PTPRC: variants seen among roughly 807,000 people sequenced by gnomAD.
PTPRC encodes the protein receptor-type tyrosine-protein phosphatase C.
PTPRC carries 44 observed loss-of-function variants against 155.9 expected under a neutral mutation model. The observed-to-expected ratio is 0.28, with a 90% CI of 0.22 to 0.36. The LOEUF (loss-of-function observed/expected upper bound fraction) is 0.36, where lower values mean the gene tolerates loss of function less well. PTPRC is among the 10% of genes least tolerant of loss of function. The probability of loss-of-function intolerance (pLI) is 1.00; values close to 1 mark genes in which losing one functional copy is unlikely to be tolerated. For missense variants in PTPRC, 1,401 were observed against 1,564.6 expected (o/e 0.90, Z 1.76); for synonymous variants, 525 against 533.1 (o/e 0.98, Z 0.21).
At chr1:198,662,049 A>G (rs1335182642) in intron 2 of PTPRC, among the ~76,000 whole-genome samples, 1 of 152,198 alleles carries the variant, frequency 6.6e-6, no homozygotes, top group Non-Finnish European at 1.5e-5. Flanking sequence ...AGAAGCCACC[A>G]TGTCCAACTG....
intron 3 of PTPRC, chr1:198,694,037 G>A: frequency 1.9e-6 from 3 of 1,548,724 alleles, no homozygotes; most frequent in Non-Finnish European, 2.6e-6. Flanking sequence ...AAGCTGAGGA[G>A]CAAGGAAGCC....
In PTPRC at chr1:198,756,320, T is replaced by C; in HGVS notation, c.*139T>C. 2 of 1,110,106 alleles carry C rather than the reference T, an allele frequency of 1.8e-6. No individual in the cohort carries two copies. The highest frequency in any genetic ancestry group is 2.6e-6 in the Non-Finnish European group (2 of 776,976). 68.8% of individuals were successfully genotyped at this position (1,110,106 alleles called of 1,614,324 possible). ...TATTTGTAGAAGGGTTATATTTTAC[T>C]ACTGTGGAAAAATATTTAAGATAGT... On this transcript the variant is annotated 3_prime_UTR_variant, in exon 33 of 33. Coordinates refer to ENST00000442510, the MANE Select transcript of PTPRC (RefSeq NM_002838.5).
At chr1:198,711,912 C>T (rs970640431) in intron 11 of PTPRC, among the ~76,000 whole-genome samples, 8 of 152,122 alleles carry the variant, frequency 5.3e-5, no homozygotes, top group African/African-American at 1.9e-4. Context: ...TAAAACAACA[C>T]TGAGATGATA....
intron 15 of PTPRC, among the ~76,000 whole-genome samples, chr1:198,723,140 A>G (rs935489451): frequency 1.3e-5 from 2 of 149,898 alleles, no homozygotes; most frequent in Non-Finnish European, 3.0e-5. Flanking sequence ...TATAAACAAT[A>G]TTGTATACTG....
Position 198,752,601 on chromosome 1 carries a change from A to C in PTPRC, c.3338A>C (p.Asp1113Ala). 1 of 1,612,090 alleles carries C rather than the reference A, an allele frequency of 6.2e-7. No individual in the cohort carries two copies. Among genetic ancestry groups the C allele is most frequent in the Non-Finnish European group, 8.5e-7 (1 of 1,178,798 alleles). The change falls in exon 31 of 33, where the codon GAC (aspartate) becomes GCC (alanine). Residue 1113 changes from aspartate (D) to alanine (A), a missense_variant. By Grantham distance (126) the Asp-to-Ala change is moderately radical. This residue lies in a region of PTPRC where 400 missense variants were observed against 389.5 expected (regional missense o/e 1.03). Coordinates refer to ENST00000442510, the MANE Select transcript of PTPRC (RefSeq NM_002838.5). ...CTTCAATTCTGATTTTAGAGGAAAGACTCTCGAACTGTGTACCAGTACCAA... is the reference window on the plus strand; with the variant it reads ...CTTCAATTCTGATTTTAGAGGAAAGCCTCTCGAACTGTGTACCAGTACCAA... The part of the protein sequence containing the change: ...VFELRHSKRK[D>A]SRTVYQYQYT...
intron 15 of PTPRC, among the ~76,000 whole-genome samples, chr1:198,726,014 A>G (rs576546884): frequency 6.6e-6 from 1 of 152,294 alleles, no homozygotes; most frequent in South Asian, 2.1e-4. Context: ...GGGGAAACAC[A>G]TGTGTGCTTA....
At position 198,702,385 on chromosome 1, in the gene PTPRC, A is replaced by G; in HGVS notation, c.440-2A>G. On this transcript the variant is annotated splice_acceptor_variant, in intron 5 of 32. Coordinates refer to ENST00000442510, the MANE Select transcript of PTPRC (RefSeq NM_002838.5). LOFTEE classifies it high-confidence loss of function. The stretch of plus-strand genomic sequence containing the variant: ...CAGTGCTGATGGCCCTTCTGATTGC[A>G]GATGTCCCAGGAGAGAGGAGTACAG... 1 of 1,614,156 alleles carries G rather than the reference A, an allele frequency of 6.2e-7. No homozygotes were observed. Among genetic ancestry groups the G allele is most frequent in the Non-Finnish European group, 8.5e-7 (1 of 1,180,030 alleles).
chr1:198,711,284 T>C (rs1185340848), intron 11 of PTPRC, among the ~76,000 whole-genome samples: 1 of 152,212 alleles, frequency 6.6e-6, no homozygotes, highest in Non-Finnish European at 1.5e-5. Flanking sequence ...TTTTAATGTA[T>C]TTTTATTAGT....
At chr1:198,735,990 G>T (rs1461431515) in intron 23 of PTPRC, among the ~76,000 whole-genome samples, 1 of 151,528 alleles carries the variant, frequency 6.6e-6, no homozygotes, top group East Asian at 1.9e-4. Context: ...TTAAACTGGT[G>T]AACTTTATGG....
rs1429538302 is a variant in PTPRC at position 198,741,913 on chromosome 1, C to T, written c.2448C>T (p.Phe816=). ...GAAGAGAGGTGACTCACATTCAGTT[C>T]ACCAGCTGGCCAGACCACGGGGTGC... ...ATGREVTHIQ[F]TSWPDHGVPE... Residue 816 remains phenylalanine, a synonymous_variant, in exon 24 of 33, where the codon TTC becomes TTT. Transcript: ENST00000442510. 6.2e-7 allele frequency: 1 copy of T among 1,611,900 alleles called. No homozygotes were observed. Among genetic ancestry groups the T allele is most frequent in the East Asian group, 2.2e-5 (1 of 44,668 alleles).
chr1:198,656,688 C>T (rs1251613351), intron 2 of PTPRC, among the ~76,000 whole-genome samples: 1 of 146,126 alleles, frequency 6.8e-6, no homozygotes. Flanking sequence ...ACTGCAAGTT[C>T]CCTGAGGAAG....
chr1:198,647,720 CTTT>C (rs1557964217), intron 2 of PTPRC, among the ~76,000 whole-genome samples: 1 of 151,670 alleles, frequency 6.6e-6, no homozygotes, highest in Non-Finnish European at 1.5e-5. Context: ...GATCTAAAAA[CTTT>C]TTGAGTATTT....
intron 26 of PTPRC, among the ~76,000 whole-genome samples, chr1:198,745,137 A>C (rs1655081623): frequency 6.6e-6 from 1 of 151,906 alleles, no homozygotes; most frequent in Non-Finnish European, 1.5e-5. Flanking sequence ...TATACATTTA[A>C]GTTAAACATT....
intron 2 of PTPRC, among the ~76,000 whole-genome samples, chr1:198,647,846 C>T (rs1481837551): frequency 1.3e-5 from 2 of 151,666 alleles, no homozygotes; most frequent in African/African-American, 4.8e-5. Flanking sequence ...GACACCTATC[C>T]CATGAAGCCC....
chr1:198,692,205 A>C (rs1196807071), intron 2 of PTPRC, 142 bp from the exon 3 acceptor site: 1 of 507,866 alleles, frequency 2.0e-6, no homozygotes, highest in Non-Finnish European at 3.4e-6. Flanking sequence ...ATATAGTTTC[A>C]TTAGGGTAAA....
chr1:198,691,174 G>A (rs1665905329), intron 2 of PTPRC, among the ~76,000 whole-genome samples: 1 of 151,954 alleles, frequency 6.6e-6, no homozygotes, highest in Non-Finnish European at 1.5e-5. Context: ...CACCTCTGTA[G>A]CTGCAAAATG....
chr1:198,752,262 A>G lies in PTPRC; in HGVS notation c.3221A>G (p.Gln1074Arg), dbSNP rs768362013. 1.2e-6 allele frequency: 2 copies of G among 1,611,720 alleles called. No individual in the cohort carries two copies. The highest frequency in any genetic ancestry group is 2.2e-5 in the East Asian group (1 of 44,706). The stretch of plus-strand genomic sequence containing the variant: ...TCTTTTATCTAGGAAATCTGTGCTC[A>G]GTACTGGGGAGAAGGAAAGCAAACA... Reference protein sequence around the residue: ...LKHGDQEICAQYWGEGKQTYG... With the variant: ...LKHGDQEICARYWGEGKQTYG... The change falls in exon 30 of 33, where the codon CAG becomes CGG. Residue 1074 changes from glutamine to arginine, a missense_variant. Gln to Arg is a conservative substitution (Grantham distance 43). Coordinates refer to ENST00000442510, the MANE Select transcript of PTPRC (RefSeq NM_002838.5).
intron 18 of PTPRC, 21 bp downstream of exon 18, chr1:198,731,747 A>G (rs1571877862): frequency 2.0e-6 from 3 of 1,529,112 alleles, no homozygotes; most frequent in East Asian, 2.3e-5. Context: ...CTTTTGTTAT[A>G]TGATGATAAA....
chr1:198,735,469 C>A (rs1026935884), intron 23 of PTPRC, among the ~76,000 whole-genome samples: 8 of 151,240 alleles, frequency 5.3e-5, no homozygotes, highest in African/African-American at 1.9e-4. Context: ...AAGAATTATA[C>A]TGTATTAATT....
Sources: allele counts gnomAD v4.1 joint callset (sites outside exome capture counted in the v4.1 genomes callset), GRCh38; gene constraint gnomAD v4.1.1; regional missense constraint gnomAD v4.1.1; transcripts MANE v1.5; gene names NCBI Gene and HGNC (gene_info 2026-07-23, HGNC 2026-07-21).